Variants in ZNF837 observed in about 807,000 individuals in gnomAD.
ZNF837 encodes the protein zinc finger protein 837.
For synonymous variants in ZNF837, 475 were observed against 365.2 expected (o/e 1.30, Z -3.43); for missense variants, 955 against 801.7 (o/e 1.19, Z -2.31).
Position 58,368,225 on chromosome 19 carries a change from TG to T in ZNF837, c.1107del (p.Lys370ArgfsTer37). On this transcript the variant is annotated frameshift_variant, in exon 3 of 3. Transcript: ENST00000597582. LOFTEE classifies it low-confidence loss of function (END_TRUNC). The stretch of plus-strand genomic sequence containing the variant: ...AGGTGCGAGAACAGCCCGAAGGCCT[TG>T]GCGCAGTCGGCGCACTCGTACGGCT... ...GEKPYECADC[A>X]KAFGLFSHLV... 1.3e-6 allele frequency: 2 copies of T among 1,527,402 alleles called. No individual in the cohort carries two copies. The highest frequency in any genetic ancestry group is 1.8e-6 in the Non-Finnish European group (2 of 1,140,282). 94.6% of individuals were successfully genotyped at this position (1,527,402 alleles called of 1,614,324 possible). A position where few individuals can be genotyped will look rare whatever the true frequency, so the allele number is the denominator to read the frequency against.
intron 1 of ZNF837, among the ~76,000 whole-genome samples, chr19:58,371,024 G>T (rs966433288): frequency 1.3e-5 from 2 of 152,000 alleles, no homozygotes; most frequent in Non-Finnish European, 2.9e-5. Context: ...GGCAGATCAC[G>T]AGGTCAGGAG....
At chr19:58,377,262 C>T (rs2052256871) in intron 1 of ZNF837, among the ~76,000 whole-genome samples, 1 of 147,098 alleles carries the variant, frequency 6.8e-6, no homozygotes, top group African/African-American at 2.5e-5. Flanking sequence ...CCAGTAATCC[C>T]AGCACTTTGG....
intron 1 of ZNF837, among the ~76,000 whole-genome samples, chr19:58,379,928 G>A (rs1356105718): frequency 6.6e-6 from 1 of 152,164 alleles, no homozygotes; most frequent in Non-Finnish European, 1.5e-5. Flanking sequence ...CCGGGAGGCG[G>A]AGGTTGCAGT....
In ZNF837 at chr19:58,368,365, GC is replaced by G; in HGVS notation, c.967del (p.Ala323ProfsTer84). On this transcript the variant is annotated frameshift_variant, in exon 3 of 3. Coordinates refer to ENST00000597582, the MANE Select transcript of ZNF837 (RefSeq NM_138466.2). LOFTEE classifies it low-confidence loss of function (END_TRUNC). ...GLYRHQKTHS[A>X]ERHRRGPVLA... ...GACGGGGCCACGCCGGTGGCGCTCG[GC>G]CGAGTGCGTCTTCTGGTGGCGGTAC... 1 of 1,529,274 alleles carries G rather than the reference GC, an allele frequency of 6.5e-7. No individual in the cohort carries two copies. The highest frequency in any genetic ancestry group is 8.8e-7 in the Non-Finnish European group (1 of 1,142,852). 94.7% of individuals were successfully genotyped at this position (1,529,274 alleles called of 1,614,324 possible).
At chr19:58,378,446 C>CA (rs1243346552) in intron 1 of ZNF837, among the ~76,000 whole-genome samples, 1 of 152,148 alleles carries the variant, frequency 6.6e-6, no homozygotes, top group Non-Finnish European at 1.5e-5. Context: ...CAGCTGGTGG[C>CA]ATGAGCAGGG....
At chr19:58,375,729 A>C (rs2052239627) in intron 1 of ZNF837, among the ~76,000 whole-genome samples, 1 of 148,770 alleles carries the variant, frequency 6.7e-6, no homozygotes, top group Admixed American at 6.7e-5. Flanking sequence ...TACAGGTGTG[A>C]GCCACCTCGC....
chr19:58,368,867 G>T lies in ZNF837; in HGVS notation c.466C>A (p.Pro156Thr). 1 of 1,547,656 alleles carries T rather than the reference G, an allele frequency of 6.5e-7. No individual in the cohort carries two copies. The highest frequency in any genetic ancestry group is 8.7e-7 in the Non-Finnish European group (1 of 1,146,676). Residue 156 changes from proline to threonine, a missense_variant, in exon 3 of 3, where the codon CCC becomes ACC. By Grantham distance (38) the Pro-to-Thr change is conservative. Transcript: ENST00000597582. The part of the protein sequence containing the change: ...DPCPERIQNH[P>T]RTQLCEVHTD... ...TGGACCTCACACAGTTGAGTCCGGG[G>T]GTGGTTCTGGATCCGCTCCGGACAG...
Position 58,368,165 on chromosome 19 carries a change from G to T in ZNF837, c.1168C>A (p.Pro390Thr). 6.3e-7 allele frequency: 1 copy of T among 1,588,026 alleles called. No homozygotes were observed. Among genetic ancestry groups the T allele is most frequent in the South Asian group, 1.1e-5 (1 of 88,306 alleles). Residue 390 changes from proline to threonine, a missense_variant, in exon 3 of 3, where the codon CCC (proline) becomes ACC (threonine). Coordinates refer to ENST00000597582, the MANE Select transcript of ZNF837 (RefSeq NM_138466.2). ...TTGCCGCACTCGGGGCACGCGTAGGGCTTCTCGCCGGTGTGCACGCGCCGG... is the reference window on the plus strand; with the variant it reads ...TTGCCGCACTCGGGGCACGCGTAGGTCTTCTCGCCGGTGTGCACGCGCCGG... ...EHRRVHTGEKPYACPECGKAF... is the reference protein window; with the variant it reads ...EHRRVHTGEKTYACPECGKAF...
chr19:58,368,148 C>T lies in ZNF837; in HGVS notation c.1185G>A (p.Glu395=), dbSNP rs753705879. The T allele has an allele frequency of 1.3e-6, 2 of 1,587,640 alleles. No homozygotes were observed. Among genetic ancestry groups the T allele is most frequent in the Middle Eastern group, 1.7e-4 (1 of 6,006 alleles). ...AGCGCTGGTTGAAGGCCTTGCCGCA[C>T]TCGGGGCACGCGTAGGGCTTCTCGC... is the stretch of plus-strand genomic sequence containing the variant. ...HTGEKPYACP[E]CGKAFNQRSN... The change falls in exon 3 of 3, where the codon GAG becomes GAA. Residue 395 remains glutamate, a synonymous_variant. Transcript: ENST00000597582.
At chr19:58,372,639 A>G (rs2052212273) in intron 1 of ZNF837, among the ~76,000 whole-genome samples, 1 of 152,238 alleles carries the variant, frequency 6.6e-6, no homozygotes, top group South Asian at 2.1e-4. Context: ...TTGACTTTTC[A>G]GCCAAGGACA....
Position 58,368,732 on chromosome 19 carries a change from C to A in ZNF837, c.601G>T (p.Ala201Ser). The change falls in exon 3 of 3, where the codon GCG (alanine) becomes TCG (serine). Residue 201 changes from alanine (A) to serine (S), a missense_variant. By Grantham distance (99) the Ala-to-Ser change is moderately conservative (BLOSUM62 1). Coordinates refer to ENST00000597582, the MANE Select transcript of ZNF837 (RefSeq NM_138466.2). ...CTCCACGCAAAGGCCTCGCCGCACG[C>A]GCAAGCCCGGGGCTGCTCCACCAAG... ...NPLVEQPRAC[A>S]CGEAFAWRAL... 1 of 1,537,320 alleles carries A rather than the reference C, an allele frequency of 6.5e-7. No homozygotes were observed. The highest frequency in any genetic ancestry group is 8.7e-7 in the Non-Finnish European group (1 of 1,146,320).
Position 58,367,959 on chromosome 19 carries a change from G to C in ZNF837, c.1374C>G (p.Gly458=). Residue 458 remains glycine, a synonymous_variant, in exon 3 of 3, where the codon GGC becomes GGG. Coordinates refer to ENST00000597582, the MANE Select transcript of ZNF837 (RefSeq NM_138466.2). ...GCSECGKTFR[G]CSELRQHERL... ...GCTCGTGCTGGCGCAGCTCGGAGCA[G>C]CCGCGGAAGGTCTTTCCGCACTCGG... The C allele has an allele frequency of 6.5e-7, 1 of 1,532,826 alleles. No homozygotes were observed. The highest frequency in any genetic ancestry group is 8.7e-7 in the Non-Finnish European group (1 of 1,144,030). The allele number at this position is 1,532,826 out of a possible 1,614,324, so 95.0% of individuals were successfully genotyped here.
intron 1 of ZNF837, among the ~76,000 whole-genome samples, chr19:58,372,580 G>C (rs1599924924): frequency 6.6e-6 from 1 of 152,322 alleles, no homozygotes; most frequent in East Asian, 1.9e-4. Context: ...GAAATAACTT[G>C]ACCGGGAACT....
At chr19:58,373,697 G>A (rs531443113) in intron 1 of ZNF837, among the ~76,000 whole-genome samples, 1 of 152,294 alleles carries the variant, frequency 6.6e-6, no homozygotes, top group South Asian at 2.1e-4. Context: ...GCAGCCACAG[G>A]CCTCACCTGC....
chr19:58,378,503 G>A (rs181378534), intron 1 of ZNF837, among the ~76,000 whole-genome samples: 4 of 152,272 alleles, frequency 2.6e-5, no homozygotes, highest in Admixed American at 2.0e-4. Flanking sequence ...AGGGACTTAG[G>A]GGCTGAGGAC....
In ZNF837 at chr19:58,367,951, T is replaced by G; in HGVS notation, c.1382A>C (p.Glu461Ala). 6.5e-7 allele frequency: 1 copy of G among 1,533,444 alleles called. No individual in the cohort carries two copies. The highest frequency in any genetic ancestry group is 8.7e-7 in the Non-Finnish European group (1 of 1,144,192). The allele number at this position is 1,533,444 out of a possible 1,614,324, so 95.0% of individuals were successfully genotyped here. A position where few individuals can be genotyped will look rare whatever the true frequency, so the allele number is the denominator to read the frequency against. Residue 461 changes from glutamate to alanine, a missense_variant, in exon 3 of 3, where the codon GAG becomes GCG. Coordinates refer to ENST00000597582, the MANE Select transcript of ZNF837 (RefSeq NM_138466.2). ...GTGCAGGCGCTCGTGCTGGCGCAGCTCGGAGCAGCCGCGGAAGGTCTTTCC... is the reference window on the plus strand; with the variant it reads ...GTGCAGGCGCTCGTGCTGGCGCAGCGCGGAGCAGCCGCGGAAGGTCTTTCC... Reference protein sequence around the residue: ...ECGKTFRGCSELRQHERLHSG... With the variant: ...ECGKTFRGCSALRQHERLHSG...
intron 1 of ZNF837, among the ~76,000 whole-genome samples, chr19:58,371,293 A>G (rs953736188): frequency 6.6e-6 from 1 of 150,926 alleles, no homozygotes; most frequent in African/African-American, 2.4e-5. Context: ...CTGTAGTCCC[A>G]GCTACTCAGG....
intron 1 of ZNF837, among the ~76,000 whole-genome samples, chr19:58,380,249 G>T (rs554153100): frequency 2.0e-5 from 3 of 152,338 alleles, no homozygotes; most frequent in African/African-American, 7.2e-5. Flanking sequence ...TGTCCTCTGA[G>T]TGCAGGCACA....
At chr19:58,377,479 CA>C (rs34987835) in intron 1 of ZNF837, among the ~76,000 whole-genome samples, 1 of 148,156 alleles carries the variant, frequency 6.7e-6, no homozygotes. Flanking sequence ...GACTCCATCT[CA>C]AAAAAAAAAC....
Sources: allele counts gnomAD v4.1 joint callset (sites outside exome capture counted in the v4.1 genomes callset), GRCh38; gene constraint gnomAD v4.1.1; transcripts MANE v1.5; gene names NCBI Gene and HGNC (gene_info 2026-07-23, HGNC 2026-07-21).